The following IFT140 variants were observed in gnomAD, a reference collection of about 807,000 sequenced individuals.
IFT140 encodes intraflagellar transport 140, also known as intraflagellar transport protein 140 homolog.
Under a neutral mutation model 164.6 loss-of-function variants are expected in IFT140, and 133 were observed. The observed-to-expected ratio is 0.81, with a 90% CI of 0.70 to 0.93. The LOEUF (loss-of-function observed/expected upper bound fraction) is 0.93. IFT140 is among the 40% of genes least tolerant of loss of function. The pLI, the probability that IFT140 is intolerant of heterozygous loss-of-function variation, is 0.00. For missense variants in IFT140, 2,045 were observed against 1,972.3 expected (o/e 1.04, Z -0.70); for synonymous variants, 860 against 817.3 (o/e 1.05, Z -0.89).
chr16:1,520,737 G>A lies in IFT140; in HGVS notation c.3525C>T (p.Thr1175=), dbSNP rs752664070. ...SITEEMAEKM[T]VAKDSSDLPE... Reference sequence around the variant, plus strand: ...GCAGGTCCGAGGAGTCCTTGGCCACGGTCATCTTTTCCGCCATCTCCTCGG... The same window carrying A: ...GCAGGTCCGAGGAGTCCTTGGCCACAGTCATCTTTTCCGCCATCTCCTCGG... The change falls in exon 27 of 31, where the codon ACC becomes ACT. Residue 1175 remains threonine (T), a synonymous_variant. Coordinates refer to ENST00000426508, the MANE Select transcript of IFT140 (RefSeq NM_014714.4). 7 of 1,611,200 alleles carry A rather than the reference G, an allele frequency of 4.3e-6. No homozygotes were observed. The highest frequency in any genetic ancestry group is 2.2e-5 in the East Asian group (1 of 44,880).
At chr16:1,543,689 C>T (rs186297340) in intron 19 of IFT140, among the ~76,000 whole-genome samples, 42 of 152,326 alleles carry the variant, frequency 2.8e-4, no homozygotes, top group East Asian at 7.7e-4. Flanking sequence ...GGACTGACTC[C>T]GCCTCCTCCC....
chr16:1,541,787 C>A, intron 19 of IFT140: 7 of 1,102,548 alleles, frequency 6.3e-6, no homozygotes, highest in Non-Finnish European at 8.8e-6. Context: ...CCCGAAGCCA[C>A]TGCCCAATGG....
At position 1,520,803 on chromosome 16, in the gene IFT140, C is replaced by G. The variant is rs747050714; in HGVS notation, c.3459G>C (p.Gln1153His). 1.0e-5 allele frequency: 16 copies of G among 1,602,444 alleles called. No individual in the cohort carries two copies. The highest frequency in any genetic ancestry group is 1.3e-5 in the Non-Finnish European group (15 of 1,179,828). ...VELLLAARKY[Q>H]EALQLCLGQN... ...GCCCCAGGCACAGCTGCAGGGCTTC[C>G]TGATACTGCAAAGGTGCAGAAATGG... Residue 1153 changes from glutamine to histidine, a missense_variant, in exon 27 of 31, where the codon CAG (glutamine) becomes CAC (histidine). Gln to His is a conservative substitution (Grantham distance 24, BLOSUM62 0). Transcript: ENST00000426508.
intron 20 of IFT140, chr16:1,526,289 ACCTCCCACAGCCCC>A (rs1039032629): frequency 2.5e-4 from 128 of 519,052 alleles, no homozygotes; most frequent in South Asian, 8.6e-4. Context: ...GGGGTACCCC[ACCTCCCACAGCCCC>A]CCTCCCACAG....
Position 1,515,844 on chromosome 16 carries a change from C to T in IFT140, c.4182+2372G>A, listed in dbSNP as rs115318002. On this transcript the variant is annotated intron_variant, in intron 30 of 30. Coordinates refer to ENST00000426508, the MANE Select transcript of IFT140 (RefSeq NM_014714.4). ...GAGCTCAGGCTGAAGAGGAGTGATA[C>T]CACATGCAAATCGGAATCATAGGGA... is the stretch of plus-strand genomic sequence containing the variant. Among the ~76,000 whole-genome samples, 517 of 152,176 alleles carry T rather than the reference C, an allele frequency of 3.4e-3. 3 individuals are homozygous for T. The highest frequency in any genetic ancestry group is 0.011 in the African/African-American group (458 of 41,540).
At chr16:1,528,532 A>AG (rs1567334252) in intron 19 of IFT140, among the ~76,000 whole-genome samples, 1 of 143,982 alleles carries the variant, frequency 6.9e-6, no homozygotes, top group Non-Finnish European at 1.5e-5. Flanking sequence ...GGCACACACA[A>AG]GCACATGCAC....
rs2032673191 is a variant in IFT140, at chr16:1,551,899, A to C, written c.2399+6036T>G. On this transcript the variant is annotated intron_variant, in intron 19 of 30. Coordinates refer to ENST00000426508, the MANE Select transcript of IFT140 (RefSeq NM_014714.4). The surrounding 1 kb of genome is among the most constrained non-coding windows in gnomAD (Gnocchi z 4.0). ...CTGTAAATCCGAGCTGTGCACTCAG[A>C]AGCCTCCCGGGTGTGTCCCTGGTGA... Among the ~76,000 whole-genome samples the C allele has an allele frequency of 6.6e-6, 1 of 152,090 alleles. No homozygotes were observed. Among genetic ancestry groups the C allele is most frequent in the Non-Finnish European group, 1.5e-5 (1 of 68,016 alleles).
At position 1,524,691 on chromosome 16, in the gene IFT140, G is replaced by T. The variant is rs758890033; in HGVS notation, c.3002C>A (p.Ala1001Glu). 15 of 1,573,886 alleles carry T rather than the reference G, an allele frequency of 9.5e-6. No individual in the cohort carries two copies. The South Asian group carries it at 1.7e-4, about 18-fold the overall frequency. Reference sequence around the variant, plus strand: ...GTTTCCTGTCTCGTTGGCTATTTGCGCAGCCTAGAAAGACAAAGAACCCAA... The same window carrying T: ...GTTTCCTGTCTCGTTGGCTATTTGCTCAGCCTAGAAAGACAAAGAACCCAA... ...HCFQGNVQKA[A>E]QIANETGNLA... The change falls in exon 24 of 31, where the codon GCG becomes GAG. Residue 1001 changes from alanine (A) to glutamate (E), a missense_variant. Transcript: ENST00000426508.
chr16:1,612,040 G>T lies in IFT140; in HGVS notation c.-294C>A, dbSNP rs1179972965. ...ATTCCACACTCCGAGCTACCACGCC[G>T]TTTTCTTCTCACGTATCCGTCAACA... On this transcript the variant is annotated 5_prime_UTR_variant, in exon 1 of 31. Coordinates refer to ENST00000426508, the MANE Select transcript of IFT140 (RefSeq NM_014714.4). 1.3e-5 allele frequency: 2 copies of T among 152,238 alleles called. No homozygotes were observed. Among genetic ancestry groups the T allele is most frequent in the Non-Finnish European group, 2.9e-5 (2 of 68,082 alleles). The allele number at this position is 152,238 out of a possible 1,614,324, so 9.4% of individuals were successfully genotyped here.
At chr16:1,536,122 T>C (rs1299218617) in intron 19 of IFT140, among the ~76,000 whole-genome samples, 1 of 152,198 alleles carries the variant, frequency 6.6e-6, no homozygotes, top group East Asian at 1.9e-4. Flanking sequence ...CAGCCGGCCC[T>C]TGGCCGCAGC....
intron 30 of IFT140, among the ~76,000 whole-genome samples, chr16:1,511,729 T>C (rs1281200084): frequency 1.3e-5 from 2 of 149,628 alleles, no homozygotes; most frequent in Admixed American, 6.6e-5. Context: ...CCACACAGTC[T>C]CAAACGAGAG....
chr16:1,573,732 G>T (rs2034136541), intron 13 of IFT140, among the ~76,000 whole-genome samples: 1 of 152,164 alleles, frequency 6.6e-6, no homozygotes, highest in South Asian at 2.1e-4. Flanking sequence ...GCTGGTGGCT[G>T]CTGCCTGGGG....
chr16:1,560,583 C>A (rs1429273020), intron 18 of IFT140, among the ~76,000 whole-genome samples: 2 of 150,530 alleles, frequency 1.3e-5, no homozygotes, highest in East Asian at 4.0e-4. Flanking sequence ...CCGCGGTCCA[C>A]CGTGGTGGCT....
At chr16:1,588,076 T>C (rs2034987399) in intron 7 of IFT140, 52 bp from the exon 8 acceptor site, 1 of 1,524,778 alleles carries the variant, frequency 6.6e-7, no homozygotes, top group Non-Finnish European at 9.0e-7. Flanking sequence ...AGACGGCCTG[T>C]CCCGGCTTCA....
intron 24 of IFT140, 60 bp from the exon 25 acceptor site, chr16:1,524,016 G>A: frequency 6.3e-7 from 1 of 1,580,344 alleles, no homozygotes. Context: ...GGTCCGCTGA[G>A]ATTCTGGAAT....
intron 21 of IFT140, 152 bp from the exon 22 acceptor site, chr16:1,525,478 C>T (rs763124936): frequency 2.0e-4 from 135 of 668,954 alleles, no homozygotes; most frequent in Middle Eastern, 8.1e-4. Flanking sequence ...CCTGAGCACA[C>T]GTGGCCAGGG....
At chr16:1,565,298 G>A (rs899235520) in intron 16 of IFT140, among the ~76,000 whole-genome samples, 1 of 152,168 alleles carries the variant, frequency 6.6e-6, no homozygotes, top group South Asian at 2.1e-4. Context: ...AGGCATCATT[G>A]TCTGAGGTGG....
rs914478573 is a variant in IFT140 at position 1,553,499 on chromosome 16, G to A, written c.2399+4436C>T. ...CGGAGGGACAGCAGTGGGGCTCGGC[G>A]TGGCCGGAGCCTGGGGAGGGACATG... On this transcript the variant is annotated intron_variant, in intron 19 of 30. Coordinates refer to ENST00000426508, the MANE Select transcript of IFT140 (RefSeq NM_014714.4). This position sits in a 1 kb window ranked among gnomAD's most constrained non-coding sequence, Gnocchi z 4.4. 1.1e-5 allele frequency: 11 copies of A among 985,370 alleles called. No individual in the cohort carries two copies. In the Admixed American group the frequency reaches 1.8e-4, roughly 17 times the overall value. 61.0% of individuals were successfully genotyped at this position (985,370 alleles called of 1,614,324 possible).
At chr16:1,528,361 G>GCA (rs1043234759) in intron 19 of IFT140, among the ~76,000 whole-genome samples, 27 of 148,796 alleles carry the variant, frequency 1.8e-4, no homozygotes, top group South Asian at 6.4e-4. Context: ...ACGCACGTGT[G>GCA]CACACACACG....
Sources: allele counts gnomAD v4.1 joint callset (sites outside exome capture counted in the v4.1 genomes callset), GRCh38; gene constraint gnomAD v4.1.1; non-coding constraint Gnocchi (gnomAD v3.1); transcripts MANE v1.5; gene names NCBI Gene and HGNC (gene_info 2026-07-23, HGNC 2026-07-21).